The following SNX2 variants were observed in gnomAD, a reference collection of about 807,000 sequenced individuals.
The protein encoded by SNX2 is sorting nexin 2, also known as sorting nexin-2.
Under a neutral mutation model 69.9 loss-of-function variants are expected in SNX2, and 25 were observed. The ratio of observed to expected loss-of-function variants is 0.36; its 90% CI spans 0.26 to 0.50. SNX2 has a LOEUF of 0.50. SNX2 is among the 20% of genes least tolerant of loss of function. The pLI, the probability that SNX2 is intolerant of heterozygous loss-of-function variation, is 0.97. For missense variants in SNX2, 551 were observed against 613.3 expected, an observed-to-expected ratio of 0.90 and a Z score of 1.07; for synonymous variants, 229 against 200.4, an observed-to-expected ratio of 1.14 and a Z score of -1.20.
chr5:122,811,700 G>A (rs572719117), intron 7 of SNX2, among the ~76,000 whole-genome samples: 133 of 151,920 alleles, frequency 8.8e-4, no homozygotes, highest in Non-Finnish European at 1.7e-3. Flanking sequence ...GTGTGGTGGC[G>A]CGTGCCTGTA....
chr5:122,809,369 A>G (rs897316594), intron 7 of SNX2, among the ~76,000 whole-genome samples: 8 of 152,178 alleles, frequency 5.3e-5, no homozygotes, highest in Admixed American at 1.3e-4. Context: ...GTTTTCCTTT[A>G]GAGTACTTGA....
intron 7 of SNX2, among the ~76,000 whole-genome samples, chr5:122,810,461 T>C (rs1315647906): frequency 6.6e-6 from 1 of 151,458 alleles, no homozygotes; most frequent in African/African-American, 2.4e-5. Flanking sequence ...TTTCGCTTAG[T>C]CTTTCCTGAA....
In SNX2 at chr5:122,795,253, T is replaced by G. The variant is rs372075868; in HGVS notation, c.109-13T>G. 127 of 1,562,878 alleles carry G rather than the reference T, an allele frequency of 8.1e-5. 1 individual carries two copies. The highest frequency in any genetic ancestry group is 1.1e-4 in the Non-Finnish European group (125 of 1,134,162). ...ATGCCAATCCATTACCTATTATTGT[T>G]CTTTTTTAACAGTCAAGTCCATCAT... On this transcript the variant is annotated splice_polypyrimidine_tract_variant and intron_variant, in intron 1 of 14. Coordinates refer to ENST00000379516, the MANE Select transcript of SNX2 (RefSeq NM_003100.4).
At chr5:122,776,040 G>T (rs1465265144) in intron 1 of SNX2, among the ~76,000 whole-genome samples, 3 of 152,110 alleles carry the variant, frequency 2.0e-5, no homozygotes, top group Non-Finnish European at 4.4e-5. Flanking sequence ...CTTATATCCA[G>T]TTCCATTTGA....
chr5:122,816,054 ATTGAG>A, intron 8 of SNX2, 83 bp downstream of exon 8: 1 of 617,402 alleles, frequency 1.6e-6, no homozygotes, highest in Non-Finnish European at 2.7e-6. Flanking sequence ...ATAGTAAATA[ATTGAG>A]TTAATAGATG....
At position 122,799,866 on chromosome 5, in the gene SNX2, A is replaced by G. The variant is rs3816607; in HGVS notation, c.390+11A>G. The G allele has an allele frequency of 1.0e-3, 1,646 of 1,597,326 alleles. 21 individuals carry two copies. In the East Asian group the frequency reaches 0.035, roughly 34 times the overall value. On this transcript the variant is annotated intron_variant, in intron 3 of 14. Transcript: ENST00000379516. ...AGATCCAGGGAAGAGGTACAGGAAA[A>G]TGTATTCTAAATTAATATGTAAATA...
chr5:122,802,041 T>G (rs757801328), intron 4 of SNX2, 40 bp from the exon 5 acceptor site: 2 of 1,581,482 alleles, frequency 1.3e-6, no homozygotes, highest in Non-Finnish European at 1.7e-6. Flanking sequence ...TTTATTTTTA[T>G]GCATGTGATT....
In SNX2 at chr5:122,806,142, G is replaced by GCGCACGCGCGCACACACACACACACA; in HGVS notation, c.644-2134_644-2133insGCACGCGCGCACACACACACACACAC. On this transcript the variant is annotated intron_variant, in intron 6 of 14. Coordinates refer to ENST00000379516, the MANE Select transcript of SNX2 (RefSeq NM_003100.4). ...TGTGTATATATATACACACGCGCGCGCACACACACACACACACACACACAC... is the reference window on the plus strand; with the variant it reads ...TGTGTATATATATACACACGCGCGCGCGCACGCGCGCACACACACACACACACACACACACACACACACACACACAC... Among the ~76,000 whole-genome samples, 669 of 130,592 alleles carry GCGCACGCGCGCACACACACACACACA rather than the reference G, an allele frequency of 5.1e-3. 3 individuals are homozygous for GCGCACGCGCGCACACACACACACACA. Among genetic ancestry groups the GCGCACGCGCGCACACACACACACACA allele is most frequent in the Non-Finnish European group, 6.5e-3 (395 of 60,996 alleles). 85.7% of individuals were successfully genotyped at this position (130,592 alleles called of 152,430 possible). A position where few individuals can be genotyped will look rare whatever the true frequency, so the allele number is the denominator to read the frequency against.
chr5:122,828,174 T>C (rs1288896731), intron 14 of SNX2: 1 of 152,224 alleles, frequency 6.6e-6, no homozygotes, highest in Non-Finnish European at 1.5e-5. Flanking sequence ...AATTTTCCTG[T>C]ATATTTTAAT....
rs768527618 is a variant in SNX2, at chr5:122,818,838, G to A, written c.1027G>A (p.Ala343Thr). 1.2e-5 allele frequency: 19 copies of A among 1,613,374 alleles called. No individual in the cohort carries two copies. The highest frequency in any genetic ancestry group is 6.7e-5 in the Admixed American group (4 of 59,958). The change falls in exon 11 of 15, where the codon GCC (alanine) becomes ACC (threonine). Residue 343 changes from alanine to threonine, a missense_variant. Ala to Thr is a moderately conservative substitution (Grantham distance 58, BLOSUM62 0). Transcript: ENST00000379516. ...HRKELSANTA[A>T]FAKSAAMLGN... ...TTCAGAACTTTCAGCCAACACAGCT[G>A]CCTTTGCTAAAAGTGCTGCCATGTT...
chr5:122,799,987 G>T, intron 3 of SNX2, 132 bp downstream of exon 3: 1 of 640,438 alleles, frequency 1.6e-6, no homozygotes, highest in Non-Finnish European at 2.5e-6. Context: ...GACTAAATTA[G>T]TTATGGGATC....
intron 1 of SNX2, among the ~76,000 whole-genome samples, chr5:122,792,572 G>C (rs148545711): frequency 2.0e-5 from 3 of 150,694 alleles, no homozygotes; most frequent in African/African-American, 7.3e-5. Flanking sequence ...ACCCCAGCCT[G>C]GGCAACAAGA....
At chr5:122,795,182 T>A in intron 1 of SNX2, 84 bp from the exon 2 acceptor site, 1 of 816,346 alleles carries the variant, frequency 1.2e-6, no homozygotes, top group South Asian at 1.6e-5. Flanking sequence ...TTCAAGAGAA[T>A]GTTCTATTTC....
intron 1 of SNX2, among the ~76,000 whole-genome samples, chr5:122,782,506 T>C (rs1753000320): frequency 6.6e-6 from 1 of 152,184 alleles, no homozygotes; most frequent in South Asian, 2.1e-4. Context: ...CCCAAAGTGC[T>C]GAGATTACAG....
intron 9 of SNX2, 40 bp from the exon 10 acceptor site, chr5:122,817,240 G>C (rs763574874): frequency 1.3e-6 from 2 of 1,566,902 alleles, no homozygotes; most frequent in South Asian, 2.2e-5. Flanking sequence ...ACAATGGTTT[G>C]TTCTTCCTAA....
chr5:122,798,503 T>C (rs1753436594), intron 2 of SNX2, among the ~76,000 whole-genome samples: 1 of 152,234 alleles, frequency 6.6e-6, no homozygotes, highest in Non-Finnish European at 1.5e-5. Context: ...ATTACTGCTA[T>C]ACCTTGAGGT....
rs778720360 is a variant in SNX2 at position 122,795,361 on chromosome 5, T to C, written c.204T>C (p.Asp68=). The change falls in exon 2 of 15, where the codon GAT becomes GAC. Residue 68 remains aspartate, a synonymous_variant. Coordinates refer to ENST00000379516, the MANE Select transcript of SNX2 (RefSeq NM_003100.4). ...GPKPTEVVLD[D]DREDLFAEAT... is the part of the protein sequence containing the mutation. ...AACCCACAGAAGTTGTATTAGATGA[T>C]GACAGAGAAGATCTTTTTGCAGGTA... The C allele has an allele frequency of 3.1e-6, 5 of 1,611,762 alleles. No homozygotes were observed. In the South Asian group the frequency reaches 5.5e-5, roughly 18 times the overall value.
At chr5:122,793,853 C>T (rs576759029) in intron 1 of SNX2, among the ~76,000 whole-genome samples, 2 of 147,604 alleles carry the variant, frequency 1.4e-5, no homozygotes, top group South Asian at 2.1e-4. Flanking sequence ...GCAGAGGTTG[C>T]AGTGAGCTGA....
upstream of SNX2, chr5:122,775,032 C>T: frequency 7.1e-7 from 1 of 1,398,746 alleles, no homozygotes; most frequent in East Asian, 3.0e-5. Context: ...CGGGTCGGCG[C>T]GGGCCCAGCC....
Sources: gnomAD v4.1 joint callset for allele counts (sites outside exome capture counted in the v4.1 genomes callset) on GRCh38, gnomAD v4.1.1 for gene constraint, MANE v1.5 for transcripts, NCBI Gene and HGNC (gene_info 2026-07-23, HGNC 2026-07-21) for gene names.